Variants in TRIM71 observed in about 807,000 individuals in gnomAD.
TRIM71 encodes tripartite motif containing 71.
A neutral mutation model predicts 61.2 loss-of-function variants in TRIM71; 9 were observed. That is an observed-to-expected ratio of 0.15 (90% CI 0.09 to 0.26). The LOEUF (loss-of-function observed/expected upper bound fraction) is 0.26, where lower values mean the gene tolerates loss of function less well. Among genes scored for constraint, TRIM71 ranks in the 10% least tolerant of loss-of-function variants. The pLI is 1.00. For missense variants in TRIM71, 998 were observed against 1,238.7 expected (o/e 0.81, Z 2.92); for synonymous variants, 645 against 553.2 (o/e 1.17, Z -2.33).
intron 1 of TRIM71, among the ~76,000 whole-genome samples, chr3:32,872,369 T>C (rs565081100): frequency 6.6e-6 from 1 of 152,136 alleles, no homozygotes; most frequent in Non-Finnish European, 1.5e-5. Flanking sequence ...GAGTGAACCA[T>C]TTAGGGGGAG....
Position 32,896,009 on chromosome 3 carries a change from T to C in TRIM71, c.*4198T>C, listed in dbSNP as rs1402172749. The C allele has an allele frequency of 6.6e-6, 1 of 152,178 alleles. No individual in the cohort carries two copies. The highest frequency in any genetic ancestry group is 1.5e-5 in the Non-Finnish European group (1 of 68,040). The allele number at this position is 152,178 out of a possible 1,614,324, so 9.4% of individuals were successfully genotyped here. On this transcript the variant is annotated 3_prime_UTR_variant, in exon 4 of 4. Coordinates refer to ENST00000383763, the MANE Select transcript of TRIM71 (RefSeq NM_001039111.3). ...CCTTGAAAGAGAAATGTCAGGCAAA[T>C]GTAGTCATAAATCCAAGTAGTTCTT...
intron 1 of TRIM71, among the ~76,000 whole-genome samples, chr3:32,860,475 A>G (rs1696655084): frequency 6.6e-6 from 1 of 152,048 alleles, no homozygotes; most frequent in East Asian, 1.9e-4. Flanking sequence ...TTTCTTTAAA[A>G]AGGCCTTTAA....
intron 1 of TRIM71, among the ~76,000 whole-genome samples, chr3:32,849,760 G>A (rs1245583822): frequency 2.0e-5 from 3 of 152,104 alleles, no homozygotes; most frequent in Non-Finnish European, 4.4e-5. Flanking sequence ...GTAAGAGTTG[G>A]GTGCATTGGC....
chr3:32,831,882 A>G (rs1006878004), intron 1 of TRIM71, among the ~76,000 whole-genome samples: 2 of 152,182 alleles, frequency 1.3e-5, no homozygotes, highest in South Asian at 4.1e-4. Context: ...GCCAAGCAGT[A>G]TTTGATGCCA....
chr3:32,867,029 A>T (rs1383729573), intron 1 of TRIM71, among the ~76,000 whole-genome samples: 1 of 152,228 alleles, frequency 6.6e-6, no homozygotes, highest in African/African-American at 2.4e-5. Flanking sequence ...ATGAGTTCAG[A>T]TGCAGAGATA....
intron 1 of TRIM71, among the ~76,000 whole-genome samples, chr3:32,848,926 C>A (rs570606983): frequency 1.4e-4 from 21 of 152,318 alleles, no homozygotes; most frequent in African/African-American, 5.1e-4. Flanking sequence ...ACCCCAATCC[C>A]TCACCCCTAT....
chr3:32,827,771 T>C (rs946597506), intron 1 of TRIM71, among the ~76,000 whole-genome samples: 6 of 152,132 alleles, frequency 3.9e-5, no homozygotes, highest in African/African-American at 1.4e-4. Flanking sequence ...GGAGCCTGAG[T>C]GGTCAATCAG....
intron 1 of TRIM71, among the ~76,000 whole-genome samples, chr3:32,853,099 A>T (rs2125682556): frequency 7.0e-6 from 1 of 142,816 alleles, no homozygotes; most frequent in South Asian, 2.3e-4. Context: ...TATCTTGGAG[A>T]TTATTTCTCT....
chr3:32,849,579 G>A (rs569000802), intron 1 of TRIM71, among the ~76,000 whole-genome samples: 4 of 151,832 alleles, frequency 2.6e-5, no homozygotes, highest in East Asian at 2.0e-4. Flanking sequence ...GGCTGGTCTC[G>A]AACTCCTGGC....
At chr3:32,821,852 C>A (rs1030871742) in intron 1 of TRIM71, among the ~76,000 whole-genome samples, 4 of 151,742 alleles carry the variant, frequency 2.6e-5, no homozygotes, top group African/African-American at 9.7e-5. Flanking sequence ...GAGCCTGCCT[C>A]GGCTCTGGGG....
At chr3:32,848,473 G>A (rs1333344173) in intron 1 of TRIM71, among the ~76,000 whole-genome samples, 7 of 152,112 alleles carry the variant, frequency 4.6e-5, no homozygotes, top group Admixed American at 4.6e-4. Context: ...GAATCATCAG[G>A]GCATGAAGCC....
At chr3:32,865,819 T>A (rs1696729408) in intron 1 of TRIM71, among the ~76,000 whole-genome samples, 2 of 4,776 alleles carry the variant, frequency 4.2e-4, no homozygotes, top group Admixed American at 4.2e-3. Context: ...CCCCACCTTT[T>A]TTTTTTTTTT....
chr3:32,839,962 G>A lies in TRIM71; in HGVS notation c.852+21030G>A, dbSNP rs1696385581. Among the ~76,000 whole-genome samples, 4 of 152,292 alleles carry A rather than the reference G, an allele frequency of 2.6e-5. No individual in the cohort carries two copies. In the South Asian group the frequency reaches 8.3e-4, roughly 32 times the overall value. ...TGGCGATTAGAACTGTATCTACAAAGCAAATGTTCAACTAATGTTTACAGA... is the reference window on the plus strand; with the variant it reads ...TGGCGATTAGAACTGTATCTACAAAACAAATGTTCAACTAATGTTTACAGA... On this transcript the variant is annotated intron_variant, in intron 1 of 3. Transcript: ENST00000383763.
intron 1 of TRIM71, among the ~76,000 whole-genome samples, chr3:32,855,149 G>A (rs1047301991): frequency 3.3e-5 from 5 of 152,174 alleles, no homozygotes; most frequent in African/African-American, 7.2e-5. Flanking sequence ...TACTATCCGT[G>A]CTTTCAGGCA....
At chr3:32,826,913 C>T (rs999171118) in intron 1 of TRIM71, among the ~76,000 whole-genome samples, 2 of 151,898 alleles carry the variant, frequency 1.3e-5, no homozygotes, top group African/African-American at 4.8e-5. Flanking sequence ...CAGGTGCCTG[C>T]CACCATGCCC....
chr3:32,819,831 TC>T (rs1177343421), intron 1 of TRIM71, among the ~76,000 whole-genome samples: 1 of 152,228 alleles, frequency 6.6e-6, no homozygotes, highest in Admixed American at 6.5e-5. Flanking sequence ...GGTCTCGACT[TC>T]CTTGGAAAAG....
At chr3:32,837,620 C>T (rs1443359889) in intron 1 of TRIM71, among the ~76,000 whole-genome samples, 1 of 152,096 alleles carries the variant, frequency 6.6e-6, no homozygotes, top group Non-Finnish European at 1.5e-5. Flanking sequence ...GAGATCCAGA[C>T]CATCCTGGCT....
intron 2 of TRIM71, among the ~76,000 whole-genome samples, chr3:32,884,422 G>T (rs765360341): frequency 2.6e-5 from 4 of 152,042 alleles, no homozygotes; most frequent in Non-Finnish European, 5.9e-5. Context: ...AACAGGCCAG[G>T]CGCAGTGGCT....
chr3:32,818,700 C>A lies in TRIM71; in HGVS notation c.620C>A (p.Ala207Glu). The change falls in exon 1 of 4, where the codon GCA becomes GAA. Residue 207 changes from alanine (A) to glutamate (E), a missense_variant. Coordinates refer to ENST00000383763, the MANE Select transcript of TRIM71 (RefSeq NM_001039111.3). ...TGCAGCTCGTGCGATGAGGGCAACGCAGCTTCTTCGCGCTGCCTCGACTGC... is the reference window on the plus strand; with the variant it reads ...TGCAGCTCGTGCGATGAGGGCAACGAAGCTTCTTCGCGCTGCCTCGACTGC... ...HGCSSCDEGN[A>E]ASSRCLDCQE... 1.9e-6 allele frequency: 3 copies of A among 1,582,340 alleles called. No homozygotes were observed. The highest frequency in any genetic ancestry group is 2.6e-6 in the Non-Finnish European group (3 of 1,171,418).
Sources: allele counts gnomAD v4.1 joint callset (sites outside exome capture counted in the v4.1 genomes callset), GRCh38; gene constraint gnomAD v4.1.1; transcripts MANE v1.5; gene names NCBI Gene and HGNC (gene_info 2026-07-23, HGNC 2026-07-21).